TEX52: variants seen among roughly 807,000 people sequenced by gnomAD.
TEX52 encodes the protein testis expressed 52.
Under a neutral mutation model 17.6 loss-of-function variants are expected in TEX52, and 22 were observed. That is an observed-to-expected ratio of 1.25 (90% CI 0.89 to 1.78). TEX52 has a LOEUF of 1.78. Among genes scored for constraint, TEX52 ranks in the 40% most tolerant of loss-of-function variants. TEX52 has a pLI of 0.00. For synonymous variants in TEX52, 168 were observed against 147.4 expected, an observed-to-expected ratio of 1.14 and a Z score of -1.01; for missense variants, 396 against 372.3, an observed-to-expected ratio of 1.06 and a Z score of -0.52.
chr12:2,849,558 G>C, intron 2 of TEX52, 33 bp from the exon 3 acceptor site: 3 of 1,534,892 alleles, frequency 2.0e-6, no homozygotes, highest in Non-Finnish European at 2.6e-6. Context: ...AGAACAGAGA[G>C]ATCAAAGAAG....
At chr12:2,848,871 A>ACG (rs1168506373), downstream of TEX52, among the ~76,000 whole-genome samples, 43 of 111,294 alleles carry the variant, frequency 3.9e-4, no homozygotes, top group African/African-American at 1.6e-3. Flanking sequence ...CAACAGACAC[A>ACG]CACACGCACA....
At chr12:2,856,856 C>A in intron 1 of TEX52, 99 bp downstream of exon 1, 1 of 687,230 alleles carries the variant, frequency 1.5e-6, no homozygotes, top group Non-Finnish European at 2.7e-6. Flanking sequence ...ATGGGCCAGG[C>A]AGTCTGCTGC....
Position 2,855,159 on chromosome 12 carries a change from G to C in TEX52, c.360C>G (p.Val120=), listed in dbSNP as rs1488699092. 1.3e-6 allele frequency: 2 copies of C among 1,525,616 alleles called. No homozygotes were observed. Among genetic ancestry groups the C allele is most frequent in the South Asian group, 1.2e-5 (1 of 82,652 alleles). The allele number at this position is 1,525,616 out of a possible 1,614,324, so 94.5% of individuals were successfully genotyped here. A position where few individuals can be genotyped will look rare whatever the true frequency, so the allele number is the denominator to read the frequency against. Residue 120 remains valine (V), a synonymous_variant, in exon 2 of 3, where the codon GTC becomes GTG. Coordinates refer to ENST00000637658, the MANE Select transcript of TEX52 (RefSeq NM_001365174.2). ...TQPDRPYDSN[V]WRWLTDSNAH... is the part of the protein sequence containing the mutation. Reference sequence around the variant, plus strand: ...CATTGGAGTCGGTCAGCCAGCGCCAGACATTGCTATCGTAGGGCCTGTCAG... The same window carrying C: ...CATTGGAGTCGGTCAGCCAGCGCCACACATTGCTATCGTAGGGCCTGTCAG...
intron 1 of TEX52, among the ~76,000 whole-genome samples, 182 bp downstream of exon 1, chr12:2,856,773 G>C (rs1565455234): frequency 6.6e-6 from 1 of 152,194 alleles, no homozygotes; most frequent in Non-Finnish European, 1.5e-5. Flanking sequence ...GCACTAGCCA[G>C]GCATCTCCTC....
In TEX52 at chr12:2,855,315, C is replaced by T. The variant is rs373511554; in HGVS notation, c.204G>A (p.Pro68=). 8.5e-6 allele frequency: 13 copies of T among 1,524,050 alleles called. No homozygotes were observed. Among genetic ancestry groups the T allele is most frequent in the African/African-American group, 1.4e-5 (1 of 72,540 alleles). The allele number at this position is 1,524,050 out of a possible 1,614,324, so 94.4% of individuals were successfully genotyped here. Residue 68 remains proline, a synonymous_variant, in exon 2 of 3, where the codon CCG becomes CCA. Transcript: ENST00000637658. ...QAYHQLALKL[P]PCTDMKSKVR... ...CCTTGGACTTCATATCTGTGCAGGG[C>T]GGCAGCTTCAGAGCCAGCTGGTGGT...
downstream of TEX52, among the ~76,000 whole-genome samples, chr12:2,848,877 GCACACACACACACA>G (rs3056877): frequency 3.6e-5 from 5 of 140,272 alleles, no homozygotes; most frequent in Admixed American, 1.4e-4. Flanking sequence ...ACACACACAC[GCACACACACACACA>G]CACACACACA....
chr12:2,856,853 A>G, intron 1 of TEX52, 102 bp downstream of exon 1: 1 of 686,758 alleles, frequency 1.5e-6, no homozygotes, highest in South Asian at 1.5e-5. Flanking sequence ...TGTATGGGCC[A>G]GGCAGTCTGC....
At chr12:2,854,685 C>T (rs1262627719) in intron 2 of TEX52, among the ~76,000 whole-genome samples, 1 of 152,128 alleles carries the variant, frequency 6.6e-6, no homozygotes, top group African/African-American at 2.4e-5. Flanking sequence ...GCATAGCTGT[C>T]CCCCAGATTT....
chr12:2,854,552 T>C (rs933202142), intron 2 of TEX52, among the ~76,000 whole-genome samples: 2 of 148,340 alleles, frequency 1.3e-5, no homozygotes, highest in Admixed American at 6.6e-5. Flanking sequence ...CAACACCCCC[T>C]GTCTCGCACT....
Position 2,855,313 on chromosome 12 carries a change from G to A in TEX52, c.206C>T (p.Pro69Leu). 1.3e-6 allele frequency: 2 copies of A among 1,532,436 alleles called. No homozygotes were observed. The highest frequency in any genetic ancestry group is 1.7e-6 in the Non-Finnish European group (2 of 1,144,068). 94.9% of individuals were successfully genotyped at this position (1,532,436 alleles called of 1,614,324 possible). ...CACCTTGGACTTCATATCTGTGCAG[G>A]GCGGCAGCTTCAGAGCCAGCTGGTG... is the stretch of plus-strand genomic sequence containing the variant. ...AYHQLALKLPPCTDMKSKVRQ... is the reference protein window; with the variant it reads ...AYHQLALKLPLCTDMKSKVRQ... Residue 69 changes from proline to leucine, a missense_variant, in exon 2 of 3, where the codon CCC becomes CTC. Coordinates refer to ENST00000637658, the MANE Select transcript of TEX52 (RefSeq NM_001365174.2).
At chr12:2,854,001 T>A (rs1431503209) in intron 2 of TEX52, among the ~76,000 whole-genome samples, 1 of 152,228 alleles carries the variant, frequency 6.6e-6, no homozygotes, top group African/African-American at 2.4e-5. Flanking sequence ...CCTGAATTTC[T>A]GTAACGACAT....
downstream of TEX52, among the ~76,000 whole-genome samples, chr12:2,848,875 A>ATG (rs2098060772): frequency 8.6e-6 from 1 of 116,734 alleles, no homozygotes; most frequent in South Asian, 3.0e-4. Flanking sequence ...AGACACACAC[A>ATG]CGCACACACA....
Position 2,849,401 on chromosome 12 carries a change from T to C in TEX52, c.748A>G (p.Lys250Glu), listed in dbSNP as rs923612139. Residue 250 changes from lysine to glutamate, a missense_variant, in exon 3 of 3, where the codon AAG becomes GAG. By Grantham distance (56) the Lys-to-Glu change is moderately conservative. Transcript: ENST00000637658. ...CPNPLPHYQE[K>E]VLKLALLPSA... The stretch of plus-strand genomic sequence containing the variant: ...GGCAGCAAGGCCAGCTTTAGCACCT[T>C]CTCCTGGTAGTGAGGCAGAGGGTTT... 5.9e-6 allele frequency: 9 copies of C among 1,536,144 alleles called. No individual in the cohort carries two copies. The Admixed American group carries it at 1.6e-4, about 27-fold the overall frequency.
Position 2,857,035 on chromosome 12 carries a change from G to C in TEX52, c.-9C>G. 1 of 702,946 alleles carries C rather than the reference G, an allele frequency of 1.4e-6. No individual in the cohort carries two copies. The allele number at this position is 702,946 out of a possible 1,614,324, so 43.5% of individuals were successfully genotyped here. On this transcript the variant is annotated 5_prime_UTR_variant, in exon 1 of 3. Transcript: ENST00000637658. ...TGCCGGTTACTGGCCATTCTTCTGGGCCTCAGAGCCAGGAGGGGCGGCTTT... is the reference window on the plus strand; with the variant it reads ...TGCCGGTTACTGGCCATTCTTCTGGCCCTCAGAGCCAGGAGGGGCGGCTTT...
intron 2 of TEX52, among the ~76,000 whole-genome samples, chr12:2,851,772 G>A (rs143666680): frequency 0.01 from 1,544 of 151,982 alleles, 23 homozygotes; most frequent in African/African-American, 0.035. Flanking sequence ...TCCACCTCCC[G>A]GGTTCAAGTG....
At chr12:2,853,121 G>A (rs1476282621) in intron 2 of TEX52, among the ~76,000 whole-genome samples, 3 of 152,134 alleles carry the variant, frequency 2.0e-5, no homozygotes, top group Non-Finnish European at 2.9e-5. Flanking sequence ...TCATGCCACT[G>A]TGAGTCTCTC....
rs150335236 is a variant in TEX52, at chr12:2,850,653, TTTTTGTTTTG to T, written c.624-1138_624-1129del. Among the ~76,000 whole-genome samples, 564 of 97,698 alleles carry T rather than the reference TTTTTGTTTTG, an allele frequency of 5.8e-3. 6 individuals are homozygous for T. The highest frequency in any genetic ancestry group is 0.026 in the African/African-American group (441 of 16,722). 64.1% of individuals were successfully genotyped at this position (97,698 alleles called of 152,430 possible). A position where few individuals can be genotyped will look rare whatever the true frequency, so the allele number is the denominator to read the frequency against. On this transcript the variant is annotated intron_variant, in intron 2 of 2. Transcript: ENST00000637658. ...CTCACTGACTGATCCAGAGTCTTTG[TTTTTGTTTTG>T]TTTTGTTTTGTTTTGTTTTGTTTTG...
chr12:2,855,933 A>G (rs2098085877), intron 1 of TEX52, among the ~76,000 whole-genome samples: 1 of 152,096 alleles, frequency 6.6e-6, no homozygotes, highest in Non-Finnish European at 1.5e-5. Context: ...TTCCCATCCC[A>G]GACTCCTCTC....
chr12:2,849,001 A>C (rs1005889255), downstream of TEX52: 5 of 534,760 alleles, frequency 9.3e-6, no homozygotes, highest in African/African-American at 3.8e-5. Flanking sequence ...CAGTCCTCCC[A>C]CCTTCGATGA....
Sources: gnomAD v4.1 joint callset for allele counts (sites outside exome capture counted in the v4.1 genomes callset) on GRCh38, gnomAD v4.1.1 for gene constraint, MANE v1.5 for transcripts, NCBI Gene and HGNC (gene_info 2026-07-23, HGNC 2026-07-21) for gene names.